RAB17: variants seen among roughly 807,000 people sequenced by gnomAD.
The protein encoded by RAB17 is ras-related protein Rab-17.
Under a neutral mutation model 19.3 loss-of-function variants are expected in RAB17, and 15 were observed. The ratio of observed to expected loss-of-function variants is 0.78; its 90% confidence interval spans 0.52 to 1.20. RAB17 has a LOEUF of 1.20. RAB17 is among the 50% of genes most tolerant of loss of function. The probability of loss-of-function intolerance (pLI) is 0.00; values close to 1 mark genes in which losing one functional copy is unlikely to be tolerated. For missense variants in RAB17, 262 were observed against 269.3 expected, an observed-to-expected ratio of 0.97 and a Z score of 0.19; for synonymous variants, 110 against 112.8, an observed-to-expected ratio of 0.97 and a Z score of 0.16.
At chr2:237,576,606 T>C (rs772332148) in intron 4 of RAB17, 1 of 471,064 alleles carries the variant, frequency 2.1e-6, no homozygotes, top group Non-Finnish European at 4.4e-6. Context: ...AAGCCCTGAG[T>C]TGGGTCTTCC....
intron 4 of RAB17, among the ~76,000 whole-genome samples, chr2:237,576,362 T>C (rs1183990808): frequency 6.6e-6 from 1 of 152,084 alleles, no homozygotes; most frequent in East Asian, 1.9e-4. Flanking sequence ...CCCATGTTTT[T>C]GTGCCTGCCC....
At chr2:237,579,175 C>A (rs77519551) in intron 2 of RAB17, 10,025 of 152,266 alleles carry the variant, frequency 0.066, 501 homozygotes, top group Non-Finnish European at 0.1. Flanking sequence ...CGACAGGCTC[C>A]TGTCAAAGCT....
At chr2:237,585,857 C>A (rs1401751120) in intron 2 of RAB17, 141 bp downstream of exon 2, 7 of 826,120 alleles carry the variant, frequency 8.5e-6, no homozygotes, top group Non-Finnish European at 1.3e-5. Context: ...ACCCCCTCCC[C>A]TCACGCACTG....
chr2:237,582,282 C>T (rs1158112702), intron 2 of RAB17, among the ~76,000 whole-genome samples: 1 of 152,224 alleles, frequency 6.6e-6, no homozygotes, highest in Non-Finnish European at 1.5e-5. Flanking sequence ...TGGGCCCCAC[C>T]CCACACACCT....
intron 2 of RAB17, among the ~76,000 whole-genome samples, chr2:237,580,761 G>A (rs796548900): frequency 6.6e-6 from 1 of 151,876 alleles, no homozygotes; most frequent in Non-Finnish European, 1.5e-5. Flanking sequence ...AAGAAGGGGG[G>A]GGAGGAGGGG....
intron 2 of RAB17, among the ~76,000 whole-genome samples, chr2:237,583,119 ATAAT>A (rs1168970493): frequency 6.6e-6 from 1 of 152,204 alleles, no homozygotes; most frequent in East Asian, 1.9e-4. Context: ...TAATAATAAA[ATAAT>A]TAACATAGGC....
chr2:237,578,009 T>C lies in RAB17; in HGVS notation c.304A>G (p.Arg102Gly). 1 of 1,600,386 alleles carries C rather than the reference T, an allele frequency of 6.2e-7. No individual in the cohort carries two copies. Among genetic ancestry groups the C allele is most frequent in the Non-Finnish European group, 8.6e-7 (1 of 1,169,060 alleles). Residue 102 changes from arginine (R) to glycine (G), a missense_variant, in exon 3 of 6, where the codon AGG becomes GGG. Coordinates refer to ENST00000264601, the MANE Select transcript of RAB17 (RefSeq NM_022449.4). ...NAALLVYDIT[R>G]KDSFLKAQQW... ...TGCCTCAAGGCGGGCCCTACCTTCC[T>C]GGTGATGTCGTACACCAGAAGCGCA...
chr2:237,579,754 G>C (rs1397380941), intron 2 of RAB17, among the ~76,000 whole-genome samples: 1 of 152,252 alleles, frequency 6.6e-6, no homozygotes, highest in Non-Finnish European at 1.5e-5. Context: ...GCTGGACAGA[G>C]AACAGGAGGC....
chr2:237,575,867 C>G (rs2081258213), intron 4 of RAB17: 1 of 199,888 alleles, frequency 5.0e-6, no homozygotes, highest in African/African-American at 2.3e-5. Context: ...CCCACCTGGG[C>G]CCTTCTTCTG....
intron 1 of RAB17, among the ~76,000 whole-genome samples, chr2:237,588,373 GTTCT>G (rs2081367514): frequency 6.6e-6 from 1 of 152,166 alleles, no homozygotes. Flanking sequence ...ACAAATCTTT[GTTCT>G]TTATACATTT....
At position 237,574,917 on chromosome 2, in the gene RAB17, C is replaced by T; in HGVS notation, c.*102G>A. 4.1e-6 allele frequency: 4 copies of T among 987,638 alleles called. No homozygotes were observed. Among genetic ancestry groups the T allele is most frequent in the Non-Finnish European group, 5.8e-6 (4 of 692,466 alleles). 61.2% of individuals were successfully genotyped at this position (987,638 alleles called of 1,614,324 possible). A position where few individuals can be genotyped will look rare whatever the true frequency, so the allele number is the denominator to read the frequency against. On this transcript the variant is annotated 3_prime_UTR_variant, in exon 6 of 6. Transcript: ENST00000264601. ...GGCCAACTTCCAGGAACATCTAGGG[C>T]TCGGGAGCAACCCAGCATTGACAGT... is the stretch of plus-strand genomic sequence containing the variant.
intron 1 of RAB17, among the ~76,000 whole-genome samples, chr2:237,587,130 T>A (rs891872171): frequency 6.6e-6 from 1 of 152,232 alleles, no homozygotes; most frequent in Non-Finnish European, 1.5e-5. Context: ...AAGATTGCCA[T>A]GAGAGTGTGC....
At chr2:237,579,728 A>G (rs111474597) in intron 2 of RAB17, among the ~76,000 whole-genome samples, 1 of 149,816 alleles carries the variant, frequency 6.7e-6, no homozygotes, top group African/African-American at 2.5e-5. Context: ...TGCACCCACT[A>G]GACAGAGAAC....
At chr2:237,582,170 A>G (rs2081314165) in intron 2 of RAB17, among the ~76,000 whole-genome samples, 1 of 152,232 alleles carries the variant, frequency 6.6e-6, no homozygotes, top group Admixed American at 6.5e-5. Flanking sequence ...TTCCAGCTTC[A>G]GGGCTCGAGT....
chr2:237,575,208 G>T, intron 5 of RAB17, 80 bp from the exon 6 acceptor site: 1 of 1,229,760 alleles, frequency 8.1e-7, no homozygotes, highest in Non-Finnish European at 1.2e-6. Context: ...AGCCACCCCA[G>T]GACCCGCCCC....
rs765577865 is a variant in RAB17, at chr2:237,577,388, A to AAAG, written c.310-9_310-7dup. On this transcript the variant is annotated splice_region_variant and splice_polypyrimidine_tract_variant and intron_variant, in intron 3 of 5. Transcript: ENST00000264601. ...TGAGCCTTGAGGAAGGAATCCTAGA[A>AAAG]AAGAAGAAAAAAAGTAACATCAAAC... 238 of 1,592,050 alleles carry AAAG rather than the reference A, an allele frequency of 1.5e-4. No homozygotes were observed. The Middle Eastern group carries it at 3.0e-3, about 20-fold the overall frequency.
intron 1 of RAB17, among the ~76,000 whole-genome samples, chr2:237,589,220 C>CAAAAAAA (rs371809449): frequency 7.1e-6 from 1 of 141,498 alleles, no homozygotes; most frequent in Non-Finnish European, 1.5e-5. Context: ...AATCTGTCTC[C>CAAAAAAA]AAAAAAAAAG....
At chr2:237,588,782 A>C (rs78334725) in intron 1 of RAB17, among the ~76,000 whole-genome samples, 7,584 of 152,324 alleles carry the variant, frequency 0.05, 425 homozygotes, top group African/African-American at 0.14. Context: ...ATAGGTTAAT[A>C]AAACCTTTCC....
At chr2:237,581,002 G>A (rs983399768) in intron 2 of RAB17, among the ~76,000 whole-genome samples, 10 of 152,288 alleles carry the variant, frequency 6.6e-5, no homozygotes, top group Admixed American at 2.0e-4. Flanking sequence ...GCTCTGACCC[G>A]GAAGACAGCA....
Sources: allele counts gnomAD v4.1 joint callset (sites outside exome capture counted in the v4.1 genomes callset), GRCh38; gene constraint gnomAD v4.1.1; transcripts MANE v1.5; gene names NCBI Gene and HGNC (gene_info 2026-07-23, HGNC 2026-07-21).